Variants in SOX5 observed in about 807,000 individuals in gnomAD.
The protein encoded by SOX5 is SRY-box transcription factor 5.
Under a neutral mutation model 92.0 loss-of-function variants are expected in SOX5, and 9 were observed. That is an observed-to-expected ratio of 0.10 (90% CI 0.06 to 0.17). The LOEUF (loss-of-function observed/expected upper bound fraction) is 0.17. Among genes scored for constraint, SOX5 ranks in the 10% least tolerant of loss-of-function variants. SOX5 has a pLI of 1.00. For synonymous variants in SOX5, 344 were observed against 336.3 expected (o/e 1.02, Z -0.25); for missense variants, 642 against 944.5 (o/e 0.68, Z 4.20).
chr12:23,608,108 G>GAAAAAAAAAA (rs1566278538), intron 8 of SOX5, among the ~76,000 whole-genome samples: 2 of 5,676 alleles, frequency 3.5e-4, no homozygotes, highest in African/African-American at 5.1e-4. Flanking sequence ...TGTCTCAAAA[G>GAAAAAAAAAA]AAAAAAGAAA....
chr12:24,267,842 G>C (rs1374975119), intron 3 of SOX5, among the ~76,000 whole-genome samples: 1 of 152,078 alleles, frequency 6.6e-6, no homozygotes, highest in Non-Finnish European at 1.5e-5. Flanking sequence ...TATTCTTAAG[G>C]AGCAGATTTT....
intron 2 of SOX5, among the ~76,000 whole-genome samples, chr12:24,353,569 G>A (rs1319215626): frequency 6.6e-6 from 1 of 152,072 alleles, no homozygotes; most frequent in Non-Finnish European, 1.5e-5. Flanking sequence ...GCTTTGCATA[G>A]ACTAAAAGAC....
In SOX5 at chr12:23,802,605, C is replaced by T. The variant is rs182109636; in HGVS notation, c.481+43378G>A. 2.2e-3 allele frequency among the ~76,000 whole-genome samples: 331 copies of T among 152,086 alleles called. 2 individuals carry two copies. Among genetic ancestry groups the T allele is most frequent in the African/African-American group, 6.7e-3 (277 of 41,496 alleles). ...CTTGTCTGTGTGATTATCCTCAATA[C>T]GGAATTGTGACACCCTCTAAAAAAA... On this transcript the variant is annotated intron_variant, in intron 3 of 14. Coordinates refer to ENST00000451604, the MANE Select transcript of SOX5 (RefSeq NM_006940.6).
intron 1 of SOX5, among the ~76,000 whole-genome samples, chr12:24,395,693 A>C (rs1959744985): frequency 6.6e-6 from 1 of 152,238 alleles, no homozygotes; most frequent in South Asian, 2.1e-4. Flanking sequence ...GATCTGCCAT[A>C]ATATCTATGC....
chr12:23,687,683 G>A (rs1253438682), intron 6 of SOX5, among the ~76,000 whole-genome samples: 1 of 151,934 alleles, frequency 6.6e-6, no homozygotes, highest in East Asian at 1.9e-4. Context: ...ACACAATGGA[G>A]AGCTTATATG....
chr12:24,344,281 CAAAAAA>C (rs61660537), intron 2 of SOX5, among the ~76,000 whole-genome samples: 25 of 104,320 alleles, frequency 2.4e-4, no homozygotes, highest in Non-Finnish European at 3.5e-4. Flanking sequence ...GACTCTGTCT[CAAAAAA>C]AAAAAAAAAA....
intron 1 of SOX5, among the ~76,000 whole-genome samples, chr12:24,379,832 T>TTA (rs1555262045): frequency 2.1e-5 from 3 of 140,702 alleles, no homozygotes; most frequent in Non-Finnish European, 4.6e-5. Flanking sequence ...TTTACCACTT[T>TTA]AAAAAAAAAA....
chr12:24,225,610 C>T (rs1961750928), intron 3 of SOX5, among the ~76,000 whole-genome samples: 2 of 151,924 alleles, frequency 1.3e-5, no homozygotes, highest in African/African-American at 4.8e-5. Context: ...GTTGGTTACA[C>T]ATTAGTAGAA....
In SOX5 at chr12:24,386,687, T is replaced by C. The variant is rs150007830; in HGVS notation, c.-250-18048A>G. On this transcript the variant is annotated intron_variant, in intron 1 of 4. Transcript: ENST00000446891. ...ATCCTACCCCAGGATCCATACAGTA[T>C]ATCAACAATCTATTTATTTGACTTG... Among the ~76,000 whole-genome samples the C allele has an allele frequency of 6.8e-3, 1,037 of 152,312 alleles. 15 individuals carry two copies. The highest frequency in any genetic ancestry group is 0.024 in the African/African-American group (990 of 41,570).
intron 6 of SOX5, among the ~76,000 whole-genome samples, chr12:23,715,598 A>C (rs76759418): frequency 0.029 from 4,438 of 152,254 alleles, 224 homozygotes; most frequent in East Asian, 0.18. Context: ...TTTTATGACC[A>C]ATAACAACAT....
intron 4 of SOX5, among the ~76,000 whole-genome samples, chr12:24,014,942 T>G (rs551928504): frequency 6.6e-6 from 1 of 152,104 alleles, no homozygotes; most frequent in Non-Finnish European, 1.5e-5. Flanking sequence ...GTCATGACCT[T>G]TGACAACTTT....
At chr12:24,256,776 C>A (rs557921573) in intron 3 of SOX5, among the ~76,000 whole-genome samples, 1 of 152,280 alleles carries the variant, frequency 6.6e-6, no homozygotes, top group South Asian at 2.1e-4. Flanking sequence ...AACACACACA[C>A]AGAGCATAAA....
At chr12:24,137,661 CA>C (rs201393495) in intron 4 of SOX5, among the ~76,000 whole-genome samples, 2 of 151,904 alleles carry the variant, frequency 1.3e-5, no homozygotes, top group African/African-American at 2.4e-5. Context: ...AAAAACAAAA[CA>C]AAAAAACTCT....
rs922121511 is a variant in SOX5 at position 23,727,420 on chromosome 12, A to G, written c.810+7264T>C. Among the ~76,000 whole-genome samples the G allele has an allele frequency of 4.6e-5, 7 of 152,156 alleles. No individual in the cohort carries two copies. The South Asian group carries it at 8.3e-4, about 18-fold the overall frequency. On this transcript the variant is annotated intron_variant, in intron 6 of 14. Transcript: ENST00000451604. ...AGGATTCTGGAGGTTTTATTTAATC[A>G]TAAGAGTTTGGAGCAATTTATGGAA...
chr12:23,793,388 T>G (rs989578356), intron 3 of SOX5, among the ~76,000 whole-genome samples: 6 of 152,094 alleles, frequency 3.9e-5, no homozygotes, highest in African/African-American at 1.4e-4. Context: ...ATAAAGAAAA[T>G]AACCCTTGAA....
chr12:23,836,451 T>C (rs1443517415), intron 3 of SOX5, among the ~76,000 whole-genome samples: 1 of 152,006 alleles, frequency 6.6e-6, no homozygotes, highest in Non-Finnish European at 1.5e-5. Flanking sequence ...TATTTATAAG[T>C]TGCAAAATAT....
chr12:23,934,694 C>T (rs1209665593), intron 1 of SOX5, among the ~76,000 whole-genome samples: 1 of 151,116 alleles, frequency 6.6e-6, no homozygotes, highest in African/African-American at 2.4e-5. Context: ...TCTTAGAACT[C>T]TTTCTACATG....
chr12:24,513,439 C>T (rs1949505657), intron 1 of SOX5, among the ~76,000 whole-genome samples: 1 of 152,148 alleles, frequency 6.6e-6, no homozygotes, highest in South Asian at 2.1e-4. Flanking sequence ...AATGAAACTT[C>T]TTGTTTGTAA....
At chr12:23,824,191 G>A (rs2096182708) in intron 3 of SOX5, among the ~76,000 whole-genome samples, 1 of 152,186 alleles carries the variant, frequency 6.6e-6, no homozygotes, top group African/African-American at 2.4e-5. Flanking sequence ...TGTAGGAGAA[G>A]AGCCATTCTG....
Sources: gnomAD v4.1 joint callset for allele counts (sites outside exome capture counted in the v4.1 genomes callset) on GRCh38, gnomAD v4.1.1 for gene constraint, MANE v1.5 for transcripts, NCBI Gene and HGNC (gene_info 2026-07-23, HGNC 2026-07-21) for gene names.